Variants in HEXIM2 observed in about 807,000 individuals in gnomAD.
HEXIM2 encodes HEXIM P-TEFb complex subunit 2, also known as protein HEXIM2.
For missense variants in HEXIM2, 413 were observed against 390.8 expected (o/e 1.06, Z -0.48); for synonymous variants, 159 against 162.7 (o/e 0.98, Z 0.17).
At chr17:45,160,948 G>C (rs535557181), upstream of HEXIM2, 11 of 1,289,806 alleles carry the variant, frequency 8.5e-6, no homozygotes, top group South Asian at 8.6e-5. Flanking sequence ...AGCGAGGTAA[G>C]GTGGGTGCAC....
At chr17:45,161,439 A>C (rs1598125043), upstream of HEXIM2, 1 of 170,654 alleles carries the variant, frequency 5.9e-6, no homozygotes, top group South Asian at 1.1e-4. Flanking sequence ...CGCCCGGACC[A>C]CCCCCCACGG....
chr17:45,160,800 G>C, upstream of HEXIM2: 3 of 663,046 alleles, frequency 4.5e-6, no homozygotes, highest in Non-Finnish European at 7.2e-6. Flanking sequence ...GAGCCTCAGA[G>C]ACCTTCAGGC....
At chr17:45,167,018 C>CT (rs1389917719) in intron 3 of HEXIM2, among the ~76,000 whole-genome samples, 2 of 69,416 alleles carry the variant, frequency 2.9e-5, no homozygotes. Flanking sequence ...GAGCAAGACT[C>CT]TGTCTCAAAA....
upstream of HEXIM2, chr17:45,161,820 T>A: frequency 1.0e-6 from 1 of 985,344 alleles, no homozygotes; most frequent in South Asian, 4.7e-5. Flanking sequence ...GGCCCTTGGA[T>A]CGCTTTTCAG....
Position 45,169,583 on chromosome 17 carries a change from A to C in HEXIM2, c.635A>C (p.Glu212Ala). 6.5e-7 allele frequency: 1 copy of C among 1,545,844 alleles called. No individual in the cohort carries two copies. Among genetic ancestry groups the C allele is most frequent in the African/African-American group, 1.4e-5 (1 of 72,178 alleles). Residue 212 changes from glutamate (E) to alanine (A), a missense_variant, in exon 4 of 4, where the codon GAG becomes GCG. Physicochemically the swap from Glu to Ala is moderately radical, Grantham distance 107 (BLOSUM62 -1). Transcript: ENST00000589230. ...AGCCTGCAGGGCCGCAGCAAGCAGG[A>C]GCTGGTGCGAGACTACCTGGAGCTG... is the stretch of plus-strand genomic sequence containing the variant. ...TESLQGRSKQ[E>A]LVRDYLELEK...
rs534734032 is a variant in HEXIM2 at position 45,162,731 on chromosome 17, CTGT to C, written c.-44-11_-44-9del. 3.3e-3 allele frequency: 5,353 copies of C among 1,612,054 alleles called. 20 individuals carry two copies. The highest frequency in any genetic ancestry group is 0.021 in the Middle Eastern group (127 of 5,942). On this transcript the variant is annotated splice_polypyrimidine_tract_variant and intron_variant, in intron 2 of 3. Transcript: ENST00000589230. ...TGACGTTCCTTCAGGATTTAGGTTT[CTGT>C]TGTTGTTCAAAGCAGGTGTCACTAG...
At chr17:45,168,691 T>G in intron 3 of HEXIM2, 1 of 224,760 alleles carries the variant, frequency 4.4e-6, no homozygotes, top group Non-Finnish European at 8.8e-6. Flanking sequence ...TCTATCCCAG[T>G]TTTCTTCTTC....
At chr17:45,164,943 G>T (rs982748011) in intron 3 of HEXIM2, among the ~76,000 whole-genome samples, 1 of 152,194 alleles carries the variant, frequency 6.6e-6, no homozygotes, top group East Asian at 1.9e-4. Flanking sequence ...ACAATGTTCA[G>T]CCAGGTCACA....
At chr17:45,160,826 G>A, upstream of HEXIM2, 1 of 1,004,442 alleles carries the variant, frequency 1.0e-6, no homozygotes, top group Non-Finnish European at 1.4e-6. Flanking sequence ...GCTCGTGAAG[G>A]TTTCCAAGTG....
upstream of HEXIM2, chr17:45,161,750 T>C: frequency 1.2e-6 from 1 of 808,916 alleles, no homozygotes; most frequent in Non-Finnish European, 1.5e-6. Flanking sequence ...GCGCGCGCGG[T>C]CTGCCCCCGC....
chr17:45,162,701 A>G (rs2042732087), intron 2 of HEXIM2, 49 bp from the exon 3 acceptor site: 2 of 1,604,122 alleles, frequency 1.2e-6, no homozygotes, highest in East Asian at 4.5e-5. Context: ...CAGCCAGAGT[A>G]TTCCTGACGT....
chr17:45,168,144 A>C (rs2042915360), intron 3 of HEXIM2, among the ~76,000 whole-genome samples: 1 of 147,340 alleles, frequency 6.8e-6, no homozygotes, highest in Non-Finnish European at 1.5e-5. Flanking sequence ...TCGGCCTCCC[A>C]AAGTGCTGGG....
chr17:45,163,154 G>A (rs1364618969), intron 3 of HEXIM2, among the ~76,000 whole-genome samples: 1 of 151,716 alleles, frequency 6.6e-6, no homozygotes, highest in African/African-American at 2.4e-5. Flanking sequence ...CAAAACCCTG[G>A]CTGTACTGAA....
chr17:45,165,345 A>G (rs2042810908), intron 3 of HEXIM2, among the ~76,000 whole-genome samples: 1 of 152,062 alleles, frequency 6.6e-6, no homozygotes, highest in African/African-American at 2.4e-5. Flanking sequence ...CAAAACACAC[A>G]TGACATATGC....
upstream of HEXIM2, chr17:45,160,643 C>T (rs2042659723): frequency 6.4e-6 from 2 of 311,812 alleles, no homozygotes; most frequent in Admixed American, 7.9e-5. Flanking sequence ...TGCCCCAACC[C>T]TGTAAAGGGC....
At chr17:45,167,616 T>TTTTGTTTG (rs142898515) in intron 3 of HEXIM2, among the ~76,000 whole-genome samples, 14 of 151,810 alleles carry the variant, frequency 9.2e-5, no homozygotes, top group East Asian at 7.9e-4. Context: ...TAAGAGTCTT[T>TTTTGTTTG]TTTGTTTGTT....
upstream of HEXIM2, chr17:45,160,698 G>C (rs2042661266): frequency 5.4e-6 from 2 of 370,416 alleles, no homozygotes; most frequent in Admixed American, 6.4e-5. Context: ...AAGTGGGGCA[G>C]CACACTTTAG....
At chr17:45,165,374 G>A (rs901439308) in intron 3 of HEXIM2, among the ~76,000 whole-genome samples, 5 of 152,064 alleles carry the variant, frequency 3.3e-5, no homozygotes, top group African/African-American at 4.8e-5. Flanking sequence ...TAAGGGCCGC[G>A]CATACACCAC....
At chr17:45,160,683 A>G, upstream of HEXIM2, 1 of 354,668 alleles carries the variant, frequency 2.8e-6, no homozygotes, top group Non-Finnish European at 5.7e-6. Context: ...GTAAACTTTC[A>G]AGAGAAGTGG....
Sources: gnomAD v4.1 joint callset for allele counts (sites outside exome capture counted in the v4.1 genomes callset) on GRCh38, gnomAD v4.1.1 for gene constraint, MANE v1.5 for transcripts, NCBI Gene and HGNC (gene_info 2026-07-23, HGNC 2026-07-21) for gene names.